Variants in KIAA1671 observed in about 807,000 individuals in gnomAD.
KIAA1671 encodes the protein uncharacterized protein KIAA1671.
A neutral mutation model predicts 131.2 loss-of-function variants in KIAA1671; 52 were observed. The observed-to-expected ratio is 0.40, with a 90% confidence interval of 0.32 to 0.50. The LOEUF (loss-of-function observed/expected upper bound fraction) is 0.50, where lower values mean the gene tolerates loss of function less well. Ranked by LOEUF, KIAA1671 falls within the 20% of genes least tolerant of loss-of-function variation. The pLI, the probability that KIAA1671 is intolerant of heterozygous loss-of-function variation, is 0.73. For missense variants in KIAA1671, 2,360 were observed against 2,364.2 expected, an observed-to-expected ratio of 1.00 and a Z score of 0.04; for synonymous variants, 1,003 against 961.6, an observed-to-expected ratio of 1.04 and a Z score of -0.80.
At chr22:24,973,117 G>A (rs6004377) in intron 1 of KIAA1671, among the ~76,000 whole-genome samples, 25,854 of 152,120 alleles carry the variant, frequency 0.17, 2,447 homozygotes, top group South Asian at 0.29. Context: ...AGAGGTTCAG[G>A]GGGCCAGGCT....
At chr22:24,988,043 A>G (rs1043000516) in intron 1 of KIAA1671, among the ~76,000 whole-genome samples, 1 of 152,158 alleles carries the variant, frequency 6.6e-6, no homozygotes, top group Non-Finnish European at 1.5e-5. Flanking sequence ...TGGGAGGCCG[A>G]GGCGGGTGGA....
At chr22:25,052,945 AC>A (rs1330007746) in intron 6 of KIAA1671, 10 of 152,144 alleles carry the variant, frequency 6.6e-5, no homozygotes, top group African/African-American at 9.7e-5. Context: ...CAAACACCTG[AC>A]CTCAAGTTTT....
At chr22:25,065,239 A>C (rs1296716472) in intron 6 of KIAA1671, 1 of 152,062 alleles carries the variant, frequency 6.6e-6, no homozygotes, top group Non-Finnish European at 1.5e-5. Flanking sequence ...GGTGGGGCTG[A>C]GCACCTGAAA....
intron 1 of KIAA1671, among the ~76,000 whole-genome samples, chr22:24,970,803 T>C (rs1239651423): frequency 2.0e-5 from 3 of 151,488 alleles, no homozygotes; most frequent in Non-Finnish European, 4.4e-5. Flanking sequence ...CATTTAAAGC[T>C]GTCCTGCAGC....
chr22:25,077,749 T>C (rs1929196129), intron 6 of KIAA1671, among the ~76,000 whole-genome samples: 1 of 152,214 alleles, frequency 6.6e-6, no homozygotes, highest in Non-Finnish European at 1.5e-5. Flanking sequence ...CTAAGCTTCA[T>C]GTCCCCACGT....
intron 1 of KIAA1671, among the ~76,000 whole-genome samples, chr22:24,981,065 T>A (rs1029607345): frequency 1.8e-5 from 2 of 110,750 alleles, no homozygotes; most frequent in African/African-American, 7.9e-5. Flanking sequence ...TTATTTTCTG[T>A]GTGTGTGTGT....
At chr22:25,047,519 C>T (rs1262942877) in intron 5 of KIAA1671, among the ~76,000 whole-genome samples, 1 of 144,436 alleles carries the variant, frequency 6.9e-6, no homozygotes, top group Admixed American at 7.2e-5. Flanking sequence ...ATTGCCCAGG[C>T]TGAAGTGCAG....
At chr22:25,014,259 A>G (rs1312169960) in intron 1 of KIAA1671, 1 of 152,240 alleles carries the variant, frequency 6.6e-6, no homozygotes, top group Non-Finnish European at 1.5e-5. Flanking sequence ...AAAGATGGTC[A>G]TGACATAGTT....
In KIAA1671 at chr22:25,017,434, T is replaced by C. The variant is rs1253388832; in HGVS notation, c.-207-8199T>C. Among the ~76,000 whole-genome samples the C allele has an allele frequency of 1.1e-4, 16 of 152,272 alleles. 1 individual carries two copies. Among genetic ancestry groups the C allele is most frequent in the African/African-American group, 3.9e-4 (16 of 41,550 alleles). On this transcript the variant is annotated intron_variant, in intron 1 of 12. Transcript: ENST00000358431. ...CTTCTGGATGTTGCCATGGCAATGGTAGACTGACATGGCACACTGGTGGGC... is the reference window on the plus strand; with the variant it reads ...CTTCTGGATGTTGCCATGGCAATGGCAGACTGACATGGCACACTGGTGGGC...
At chr22:25,001,233 GTATATGTGTGTGTGTGTGTA>G (rs1411355381) in intron 1 of KIAA1671, among the ~76,000 whole-genome samples, 5 of 43,986 alleles carry the variant, frequency 1.1e-4, no homozygotes, top group Admixed American at 3.3e-4. Flanking sequence ...GTATGTGTGT[GTATATGTGTGTGTGTGTGTA>G]TGTGTGTGTA....
At chr22:25,021,165 G>C (rs982204128) in intron 1 of KIAA1671, among the ~76,000 whole-genome samples, 4 of 152,038 alleles carry the variant, frequency 2.6e-5, no homozygotes, top group African/African-American at 9.7e-5. Context: ...CCCCGGCTCA[G>C]ACAATCCTCA....
intron 6 of KIAA1671, among the ~76,000 whole-genome samples, chr22:25,120,943 C>A (rs938982031): frequency 1.3e-5 from 2 of 152,154 alleles, no homozygotes; most frequent in African/African-American, 2.4e-5. Context: ...ATCTGGATTT[C>A]TGAGAGGTCC....
At position 25,195,246 on chromosome 22, in the gene KIAA1671, C is replaced by T. The variant is rs957404184; in HGVS notation, c.*2845C>T. 4.6e-5 allele frequency: 7 copies of T among 152,188 alleles called. No homozygotes were observed. Among genetic ancestry groups the T allele is most frequent in the African/African-American group, 1.7e-4 (7 of 41,430 alleles). 9.4% of individuals were successfully genotyped at this position (152,188 alleles called of 1,614,324 possible). ...TTTTAACAGCTGATCTTTTGAGAAG[C>T]CTGTATCTTTTTCCTCTTCAGTAGA... On this transcript the variant is annotated 3_prime_UTR_variant, in exon 13 of 13. Coordinates refer to ENST00000358431, the MANE Select transcript of KIAA1671 (RefSeq NM_001145206.2).
chr22:25,174,346 G>C lies in KIAA1671; in HGVS notation c.4756G>C (p.Asp1586His). 6.4e-7 allele frequency: 1 copy of C among 1,552,012 alleles called. No homozygotes were observed. The highest frequency in any genetic ancestry group is 8.7e-7 in the Non-Finnish European group (1 of 1,147,090). Residue 1586 changes from aspartate (D) to histidine (H), a missense_variant, in exon 8 of 13, where the codon GAC (aspartate) becomes CAC (histidine). By Grantham distance (81) the Asp-to-His change is moderately conservative. Around this residue, in one of 3 missense-constraint regions of KIAA1671, gnomAD observed 1,161 missense variants for 1,204.7 expected, o/e 0.96. Transcript: ENST00000358431. ...CCAAACGGAGCCCACCTCGGCAGGGGACCAGTATGACTGCTCCAGGGACCA... is the reference window on the plus strand; with the variant it reads ...CCAAACGGAGCCCACCTCGGCAGGGCACCAGTATGACTGCTCCAGGGACCA... ...SSQTEPTSAG[D>H]QYDCSRDQRS...
rs376571271 is a variant in KIAA1671, at chr22:25,078,874, A to C, written c.4530+29510A>C. On this transcript the variant is annotated intron_variant, in intron 6 of 12. Coordinates refer to ENST00000358431, the MANE Select transcript of KIAA1671 (RefSeq NM_001145206.2). ...TGTGGGCGCCTTTTTAGACCCAGTCATGGAGGCAAAAACGGGCTTGGAGTC... is the reference window on the plus strand; with the variant it reads ...TGTGGGCGCCTTTTTAGACCCAGTCCTGGAGGCAAAAACGGGCTTGGAGTC... Among the ~76,000 whole-genome samples, 16 of 152,284 alleles carry C rather than the reference A, an allele frequency of 1.1e-4. No individual in the cohort carries two copies. In the South Asian group the frequency reaches 1.2e-3, roughly 12 times the overall value.
At position 25,039,365 on chromosome 22, in the gene KIAA1671, C is replaced by A. The variant is rs1926789927; in HGVS notation, c.2235C>A (p.Ser745Arg). Reference sequence around the variant, plus strand: ...ATGCAGTGGGAGAGCGTGTGCACAGCGAGGCCATCTCACCGGCACCGGAGG... The same window carrying A: ...ATGCAGTGGGAGAGCGTGTGCACAGAGAGGCCATCTCACCGGCACCGGAGG... ...IVHAVGERVH[S>R]EAISPAPEEK... Residue 745 changes from serine to arginine, a missense_variant, in exon 5 of 13, where the codon AGC becomes AGA. By Grantham distance (110) the Ser-to-Arg change is moderately radical (BLOSUM62 -1). Coordinates refer to ENST00000358431, the MANE Select transcript of KIAA1671 (RefSeq NM_001145206.2). 6.4e-7 allele frequency: 1 copy of A among 1,551,856 alleles called. No individual in the cohort carries two copies. The highest frequency in any genetic ancestry group is 8.7e-7 in the Non-Finnish European group (1 of 1,147,028).
intron 1 of KIAA1671, among the ~76,000 whole-genome samples, chr22:24,979,671 G>A (rs938541684): frequency 1.4e-4 from 22 of 152,116 alleles, no homozygotes; most frequent in African/African-American, 4.6e-4. Flanking sequence ...GTTTACTCCC[G>A]TTTGGTGGCA....
intron 8 of KIAA1671, chr22:25,177,015 C>T (rs558028804): frequency 2.4e-4 from 69 of 291,394 alleles, no homozygotes; most frequent in African/African-American, 1.3e-3. Flanking sequence ...CTGATCATTG[C>T]TGTAGATTAC....
At chr22:25,177,794 C>G (rs1460457745) in intron 9 of KIAA1671, among the ~76,000 whole-genome samples, 1 of 152,134 alleles carries the variant, frequency 6.6e-6, no homozygotes, top group Non-Finnish European at 1.5e-5. Context: ...AATATCCCAG[C>G]CCTCGGTTCT....
Sources: gnomAD v4.1 joint callset for allele counts (sites outside exome capture counted in the v4.1 genomes callset) on GRCh38, gnomAD v4.1.1 for gene constraint, gnomAD v4.1.1 regional missense constraint, MANE v1.5 for transcripts, NCBI Gene and HGNC (gene_info 2026-07-23, HGNC 2026-07-21) for gene names.